The following MBNL1 variants were observed in gnomAD, a reference collection of about 807,000 sequenced individuals.
MBNL1 encodes the protein muscleblind like splicing regulator 1, also known as muscleblind-like protein 1.
In MBNL1, 8 loss-of-function variants were observed where a neutral mutation model predicts 42.2. The observed-to-expected ratio is 0.19, with a 90% CI of 0.11 to 0.34. The LOEUF is 0.34. MBNL1 is among the 10% of genes least tolerant of loss of function. The pLI, the probability that MBNL1 is intolerant of heterozygous loss-of-function variation, is 1.00. For synonymous variants in MBNL1, 169 were observed against 173.9 expected, an observed-to-expected ratio of 0.97 and a Z score of 0.22; for missense variants, 309 against 495.3, an observed-to-expected ratio of 0.62 and a Z score of 3.57.
chr3:152,349,723 C>T (rs753312985), intron 2 of MBNL1, among the ~76,000 whole-genome samples: 1 of 151,508 alleles, frequency 6.6e-6, no homozygotes, highest in African/African-American at 2.4e-5. Context: ...GTGTTGCTTT[C>T]AAAAAAGTAT....
chr3:152,273,203 T>C (rs1046148848), intron 1 of MBNL1, among the ~76,000 whole-genome samples: 1 of 152,220 alleles, frequency 6.6e-6, no homozygotes, highest in Non-Finnish European at 1.5e-5. Context: ...AATTATTGAT[T>C]GCAAGGCAGA....
At chr3:152,437,061 G>A (rs1189654643) in intron 4 of MBNL1, among the ~76,000 whole-genome samples, 2 of 152,168 alleles carry the variant, frequency 1.3e-5, no homozygotes, top group Admixed American at 6.5e-5. Flanking sequence ...ATTGCATTAC[G>A]TATTGAAGTC....
chr3:152,342,568 AC>A (rs1338341912), intron 2 of MBNL1, among the ~76,000 whole-genome samples: 4 of 151,368 alleles, frequency 2.6e-5, no homozygotes, highest in African/African-American at 9.7e-5. Context: ...ACACACACAC[AC>A]ACACACACAC....
intron 3 of MBNL1, among the ~76,000 whole-genome samples, chr3:152,419,685 TTTTGTTTGTTTG>T (rs137968164): frequency 2.1e-3 from 321 of 149,310 alleles, no homozygotes; most frequent in East Asian, 3.4e-3. Flanking sequence ...GCAGGAGTTT[TTTTGTTTGTTTG>T]TTTGTTTGTT....
At chr3:152,412,140 G>A (rs1198064809) in intron 2 of MBNL1, among the ~76,000 whole-genome samples, 3 of 152,290 alleles carry the variant, frequency 2.0e-5, no homozygotes, top group African/African-American at 4.8e-5. Flanking sequence ...AATGGAGGAT[G>A]TATATTCTAA....
intron 2 of MBNL1, among the ~76,000 whole-genome samples, chr3:152,376,728 G>A (rs533857765): frequency 1.3e-5 from 2 of 152,182 alleles, no homozygotes; most frequent in East Asian, 1.9e-4. Flanking sequence ...TTAGCTGCAC[G>A]TCCATCTCCT....
intron 6 of MBNL1, among the ~76,000 whole-genome samples, chr3:152,455,326 CAGTT>C (rs1731407570): frequency 6.6e-6 from 1 of 152,154 alleles, no homozygotes; most frequent in African/African-American, 2.4e-5. Context: ...TACCAGCACA[CAGTT>C]AAACTGGCTT....
intron 2 of MBNL1, among the ~76,000 whole-genome samples, chr3:152,325,254 A>G (rs2079066939): frequency 6.6e-6 from 1 of 151,818 alleles, no homozygotes; most frequent in African/African-American, 2.4e-5. Flanking sequence ...ACCTGGCCAC[A>G]TAACTGTTTT....
intron 3 of MBNL1, among the ~76,000 whole-genome samples, chr3:152,422,963 T>A (rs138458071): frequency 0.033 from 5,082 of 152,238 alleles, 288 homozygotes; most frequent in African/African-American, 0.12. Context: ...TACAGGGAAA[T>A]TTGTAGCACT....
chr3:152,412,418 T>C (rs2098602890), intron 2 of MBNL1, among the ~76,000 whole-genome samples: 1 of 152,158 alleles, frequency 6.6e-6, no homozygotes, highest in Non-Finnish European at 1.5e-5. Flanking sequence ...CAGCTCTCTG[T>C]GGGAGAGTCT....
chr3:152,402,242 C>T (rs1385785031), intron 2 of MBNL1, among the ~76,000 whole-genome samples: 1 of 152,008 alleles, frequency 6.6e-6, no homozygotes, highest in Non-Finnish European at 1.5e-5. Context: ...GTGAGAGCAG[C>T]CTGGTCATTT....
At chr3:152,407,379 A>G (rs2098459358) in intron 2 of MBNL1, among the ~76,000 whole-genome samples, 1 of 152,070 alleles carries the variant, frequency 6.6e-6, no homozygotes, top group Admixed American at 6.6e-5. Context: ...GGATTGCTAT[A>G]TCTACCTTAA....
At chr3:152,424,031 C>G (rs933251910) in intron 3 of MBNL1, among the ~76,000 whole-genome samples, 3 of 148,344 alleles carry the variant, frequency 2.0e-5, no homozygotes, top group Non-Finnish European at 4.5e-5. Context: ...GACAAGGATT[C>G]CCTCCCTCAC....
chr3:152,351,601 C>T (rs1053467737), intron 2 of MBNL1, among the ~76,000 whole-genome samples: 18 of 152,150 alleles, frequency 1.2e-4, no homozygotes, highest in African/African-American at 4.3e-4. Flanking sequence ...TTTTAAACAC[C>T]TTTTTATGTG....
intron 4 of MBNL1, among the ~76,000 whole-genome samples, chr3:152,439,179 T>C (rs544682963): frequency 6.8e-4 from 103 of 152,288 alleles, no homozygotes; most frequent in African/African-American, 2.3e-3. Context: ...CCACTAATTG[T>C]TGTATGTTTC....
chr3:152,269,726 CTTCTT>C, intron 1 of MBNL1: 1 of 238,044 alleles, frequency 4.2e-6, no homozygotes, highest in Admixed American at 5.9e-5. Flanking sequence ...TTTTCTTCTT[CTTCTT>C]TTTTTTTTCA....
intron 2 of MBNL1, among the ~76,000 whole-genome samples, chr3:152,246,892 C>T (rs1056545567): frequency 6.6e-6 from 1 of 151,918 alleles, no homozygotes; most frequent in East Asian, 1.9e-4. Flanking sequence ...ATGACCTTCC[C>T]AAAGTTGCTC....
intron 2 of MBNL1, among the ~76,000 whole-genome samples, chr3:152,313,570 C>T (rs1424883023): frequency 6.6e-6 from 1 of 152,174 alleles, no homozygotes; most frequent in Non-Finnish European, 1.5e-5. Flanking sequence ...TGTAAATACT[C>T]CATAGATACT....
At chr3:152,363,596 C>A (rs2096150569) in intron 2 of MBNL1, among the ~76,000 whole-genome samples, 1 of 152,122 alleles carries the variant, frequency 6.6e-6, no homozygotes, top group Non-Finnish European at 1.5e-5. Flanking sequence ...CTTTGGTAAT[C>A]ACTTACCAAA....
Sources: gnomAD v4.1 joint callset for allele counts (sites outside exome capture counted in the v4.1 genomes callset) on GRCh38, gnomAD v4.1.1 for gene constraint, MANE v1.5 for transcripts, NCBI Gene and HGNC (gene_info 2026-07-23, HGNC 2026-07-21) for gene names.